The following IMMT variants were observed in gnomAD, a reference collection of about 807,000 sequenced individuals.
IMMT encodes the protein inner membrane mitochondrial protein, also known as MICOS complex subunit MIC60.
IMMT carries 40 observed loss-of-function variants against 92.7 expected under a neutral mutation model. The ratio of observed to expected loss-of-function variants is 0.43; its 90% CI spans 0.34 to 0.56. IMMT has a LOEUF of 0.56. Among genes scored for constraint, IMMT ranks in the 20% least tolerant of loss-of-function variants. IMMT has a pLI of 0.03. For synonymous variants in IMMT, 322 were observed against 336.1 expected (o/e 0.96, Z 0.46); for missense variants, 831 against 912.1 (o/e 0.91, Z 1.14).
At chr2:86,194,410 C>A (rs1055382547) in intron 1 of IMMT, among the ~76,000 whole-genome samples, 14 of 152,172 alleles carry the variant, frequency 9.2e-5, no homozygotes, top group African/African-American at 3.4e-4. Flanking sequence ...GAAGGGGCTG[C>A]TTCTGTTACC....
intron 1 of IMMT, among the ~76,000 whole-genome samples, chr2:86,191,320 G>A (rs972709682): frequency 2.4e-4 from 36 of 150,506 alleles, no homozygotes; most frequent in Non-Finnish European, 4.3e-4. Context: ...ACTCCAGCCT[G>A]GGTGACAGAG....
chr2:86,190,136 A>G (rs746934609), intron 1 of IMMT, among the ~76,000 whole-genome samples: 6 of 152,236 alleles, frequency 3.9e-5, no homozygotes, highest in Non-Finnish European at 8.8e-5. Flanking sequence ...GAGATATGAA[A>G]AAAGGAACAA....
Position 86,146,143 on chromosome 2 carries a change from CTT to C in IMMT, c.1586_1587del (p.Gln529ArgfsTer4). The C allele has an allele frequency of 6.2e-7, 1 of 1,608,248 alleles. No homozygotes were observed. Among genetic ancestry groups the C allele is most frequent in the Non-Finnish European group, 8.5e-7 (1 of 1,176,002 alleles). On this transcript the variant is annotated frameshift_variant, in exon 14 of 15. Transcript: ENST00000410111. LOFTEE classifies it high-confidence loss of function. ...TCCAGAGTAAAGTTGTCAACTTGCTCTTGACTGAGACGACGAAATTGTAATTC... is the reference window on the plus strand; with the variant it reads ...TCCAGAGTAAAGTTGTCAACTTGCTCGACTGAGACGACGAAATTGTAATTC... ...EQELQFRRLS[Q>X]EQVDNFTLDI...
Position 86,155,868 on chromosome 2 carries a change from A to T in IMMT, c.1163-2294T>A, listed in dbSNP as rs528531113. On this transcript the variant is annotated intron_variant, in intron 10 of 14. Transcript: ENST00000410111. The stretch of plus-strand genomic sequence containing the variant: ...TACTATCTCTAGAAATACATAAGAA[A>T]TCAGTAATACCGGTTGTCCCTGAGG... 3.3e-5 allele frequency among the ~76,000 whole-genome samples: 5 copies of T among 152,336 alleles called. 1 individual carries two copies. In the South Asian group the frequency reaches 6.2e-4, roughly 19 times the overall value.
intron 1 of IMMT, among the ~76,000 whole-genome samples, 159 bp downstream of exon 1, chr2:86,195,179 C>G (rs2105803014): frequency 6.6e-6 from 1 of 152,378 alleles, no homozygotes; most frequent in East Asian, 1.9e-4. Context: ...GGCGAACTCC[C>G]TGGTGGCTGC....
At chr2:86,188,390 C>T (rs1369193043) in intron 1 of IMMT, among the ~76,000 whole-genome samples, 4 of 151,844 alleles carry the variant, frequency 2.6e-5, no homozygotes, top group Non-Finnish European at 4.4e-5. Flanking sequence ...TACACATACA[C>T]GCACACACGC....
chr2:86,170,911 T>A, intron 5 of IMMT, 67 bp from the exon 6 acceptor site: 1 of 1,239,736 alleles, frequency 8.1e-7, no homozygotes, highest in Non-Finnish European at 1.1e-6. Flanking sequence ...AACAGGGATA[T>A]AAAAAAAGCA....
chr2:86,162,582 A>G (rs1004584953), intron 7 of IMMT, among the ~76,000 whole-genome samples: 4 of 152,060 alleles, frequency 2.6e-5, no homozygotes, highest in Non-Finnish European at 5.9e-5. Context: ...GCAGTGGCTC[A>G]CGCCTATAAT....
At chr2:86,191,747 CAAAAA>C (rs572412565) in intron 1 of IMMT, among the ~76,000 whole-genome samples, 48,197 of 116,898 alleles carry the variant, frequency 0.41, 10,421 homozygotes, top group Middle Eastern at 0.55. Context: ...ACTAAAAATA[CAAAAA>C]AAAAAAAAAA....
chr2:86,181,257 C>T (rs1238171565), intron 2 of IMMT, 42 bp downstream of exon 2: 21 of 1,432,612 alleles, frequency 1.5e-5, no homozygotes, highest in Non-Finnish European at 2.0e-5. Flanking sequence ...CCCTAAGCAG[C>T]ACACAGTGAA....
chr2:86,169,428 G>A (rs1358173639), intron 6 of IMMT, among the ~76,000 whole-genome samples: 1 of 152,048 alleles, frequency 6.6e-6, no homozygotes, highest in Non-Finnish European at 1.5e-5. Context: ...TAATGCCATA[G>A]GCACAGAATG....
At chr2:86,190,420 G>A (rs1293041858) in intron 1 of IMMT, among the ~76,000 whole-genome samples, 1 of 152,158 alleles carries the variant, frequency 6.6e-6, no homozygotes, top group African/African-American at 2.4e-5. Context: ...CAAGTTATAA[G>A]CAGGAAAGAC....
chr2:86,155,888 C>T (rs1675818654), intron 10 of IMMT, among the ~76,000 whole-genome samples: 1 of 152,122 alleles, frequency 6.6e-6, no homozygotes, highest in Non-Finnish European at 1.5e-5. Context: ...CCGGTTGTCC[C>T]TGAGGAGGAA....
chr2:86,144,651 T>A lies in IMMT; in HGVS notation c.1894A>T (p.Arg632Ter). 6.2e-7 allele frequency: 1 copy of A among 1,614,004 alleles called. No individual in the cohort carries two copies. Among genetic ancestry groups the A allele is most frequent in the Non-Finnish European group, 8.5e-7 (1 of 1,179,892 alleles). ...TRGVYSEETL[R>*]ARFYAVQKLA... ...TTTTGAACAGCATAGAAACGGGCTC[T>A]AAGGGTCTCTTCACTGTACACCCCA... The change falls in exon 15 of 15, where the codon AGA becomes TGA. Residue 632 changes from arginine to a stop codon, truncating the protein, a stop_gained. Coordinates refer to ENST00000410111, the MANE Select transcript of IMMT (RefSeq NM_006839.3). LOFTEE classifies it high-confidence loss of function.
intron 10 of IMMT, among the ~76,000 whole-genome samples, chr2:86,157,553 A>C (rs1186709010): frequency 6.6e-6 from 1 of 152,134 alleles, no homozygotes; most frequent in East Asian, 1.9e-4. Context: ...TGGGAGGCCA[A>C]GGTGGGCGAA....
At chr2:86,168,552 G>A (rs1676876915) in intron 6 of IMMT, among the ~76,000 whole-genome samples, 2 of 152,182 alleles carry the variant, frequency 1.3e-5, no homozygotes, top group African/African-American at 4.8e-5. Context: ...GAACCTGGGA[G>A]TTGGAGGTTG....
At chr2:86,171,040 T>G (rs1367293205) in intron 5 of IMMT, among the ~76,000 whole-genome samples, 168 bp downstream of exon 5, 1 of 152,254 alleles carries the variant, frequency 6.6e-6, no homozygotes, top group Non-Finnish European at 1.5e-5. Context: ...TTAATCTTCT[T>G]GTTTAAAAAG....
chr2:86,189,449 GGTCTT>G (rs1672986123), intron 1 of IMMT, among the ~76,000 whole-genome samples: 1 of 152,106 alleles, frequency 6.6e-6, no homozygotes, highest in African/African-American at 2.4e-5. Flanking sequence ...TGGCCAGGCT[GGTCTT>G]GAACTCCTGA....
At chr2:86,185,175 A>AAAAAAAAC (rs1439581248) in intron 1 of IMMT, among the ~76,000 whole-genome samples, 1 of 152,166 alleles carries the variant, frequency 6.6e-6, no homozygotes, top group East Asian at 1.9e-4. Flanking sequence ...GTCTTAAAAA[A>AAAAAAAAC]AAAAAAACAA....
Sources: gnomAD v4.1 joint callset for allele counts (sites outside exome capture counted in the v4.1 genomes callset) on GRCh38, gnomAD v4.1.1 for gene constraint, MANE v1.5 for transcripts, NCBI Gene and HGNC (gene_info 2026-07-23, HGNC 2026-07-21) for gene names.